The following KCNC1 variants were observed in gnomAD, a reference collection of about 807,000 sequenced individuals.
KCNC1 encodes the protein voltage-gated potassium channel KCNC1.
KCNC1 carries 8 observed loss-of-function variants against 43.4 expected under a neutral mutation model. The observed-to-expected ratio is 0.18, with a 90% CI of 0.11 to 0.33. The LOEUF is 0.33. Ranked by LOEUF, KCNC1 falls within the 10% of genes least tolerant of loss-of-function variation. The pLI is 1.00. For synonymous variants in KCNC1, 361 were observed against 360.5 expected (o/e 1.00, Z -0.01); for missense variants, 420 against 836.0 (o/e 0.50, Z 6.14).
intron 1 of KCNC1, among the ~76,000 whole-genome samples, chr11:17,747,238 C>T (rs1469353763): frequency 6.6e-6 from 1 of 152,258 alleles, no homozygotes; most frequent in East Asian, 1.9e-4. Flanking sequence ...CCTGTGTGTC[C>T]TGGGCAGGTC....
At chr11:17,749,053 T>C (rs138857848) in intron 1 of KCNC1, among the ~76,000 whole-genome samples, 2 of 152,286 alleles carry the variant, frequency 1.3e-5, no homozygotes, top group African/African-American at 4.8e-5. Context: ...TCACTGCAGG[T>C]GTGCCGGGAG....
In KCNC1 at chr11:17,782,711, A is replaced by C. The variant is rs1300896144; in HGVS notation, c.*977A>C. 6.6e-6 allele frequency: 1 copy of C among 152,250 alleles called. No individual in the cohort carries two copies. Among genetic ancestry groups the C allele is most frequent in the African/African-American group, 2.4e-5 (1 of 41,472 alleles). The allele number at this position is 152,250 out of a possible 1,614,324, so 9.4% of individuals were successfully genotyped here. A position where few individuals can be genotyped will look rare whatever the true frequency, so the allele number is the denominator to read the frequency against. ...TGTTATGCAAAGCGATTCTAGCATG[A>C]AATAAATTTTGTATCATGGTTTCTG... On this transcript the variant is annotated 3_prime_UTR_variant, in exon 4 of 4. Coordinates refer to ENST00000265969, the MANE Select transcript of KCNC1 (RefSeq NM_001112741.2).
At chr11:17,756,560 CATGTACATTGGGA>C (rs1370358055) in intron 1 of KCNC1, among the ~76,000 whole-genome samples, 1 of 148,558 alleles carries the variant, frequency 6.7e-6, no homozygotes, top group African/African-American at 2.5e-5. Flanking sequence ...CACACACACG[CATGTACATTGGGA>C]GTCAGGACCC....
Position 17,735,431 on chromosome 11 carries a change from C to A in KCNC1, c.-572C>A, listed in dbSNP as rs1032950682. The A allele has an allele frequency of 2.0e-5, 3 of 152,204 alleles. No homozygotes were observed. Among genetic ancestry groups the A allele is most frequent in the African/African-American group, 7.2e-5 (3 of 41,540 alleles). The allele number at this position is 152,204 out of a possible 1,614,324, so 9.4% of individuals were successfully genotyped here. A position where few individuals can be genotyped will look rare whatever the true frequency, so the allele number is the denominator to read the frequency against. On this transcript the variant is annotated 5_prime_UTR_variant, in exon 1 of 4. Coordinates refer to ENST00000265969, the MANE Select transcript of KCNC1 (RefSeq NM_001112741.2). The surrounding 1 kb of genome is among the most constrained non-coding windows in gnomAD (Gnocchi z 6.7). ...CAGGCGGCATCCATCTCCCCCGCGC[C>A]GAGAGCGCGCCGCGGCGACCACCTC...
In KCNC1 at chr11:17,772,055, A is replaced by G. The variant is rs1849236152; in HGVS notation, c.961A>G (p.Ile321Val). ...RVVRFVRILR[I>V]FKLTRHFVGL... ...CGTCCGCTTCGTGCGCATCTTGCGCATCTTTAAGCTGACCCGCCACTTTGT... is the reference window on the plus strand; with the variant it reads ...CGTCCGCTTCGTGCGCATCTTGCGCGTCTTTAAGCTGACCCGCCACTTTGT... Residue 321 changes from isoleucine (I) to valine (V), a missense_variant, in exon 2 of 4, where the codon ATC (isoleucine) becomes GTC (valine). By Grantham distance (29) the Ile-to-Val change is conservative. Around this residue, in one of 5 missense-constraint regions of KCNC1, gnomAD observed 58 missense variants for 256.9 expected, o/e 0.23. Transcript: ENST00000265969. 6.2e-7 allele frequency: 1 copy of G among 1,611,144 alleles called. No individual in the cohort carries two copies. Among genetic ancestry groups the G allele is most frequent in the Non-Finnish European group, 8.5e-7 (1 of 1,179,426 alleles).
rs1472716975 is a variant in KCNC1, at chr11:17,781,938, AT to A, written c.*210del. The A allele has an allele frequency of 1.8e-5, 8 of 445,778 alleles. No homozygotes were observed. Among genetic ancestry groups the A allele is most frequent in the Non-Finnish European group, 2.8e-5 (7 of 254,150 alleles). The allele number at this position is 445,778 out of a possible 1,614,324, so 27.6% of individuals were successfully genotyped here. A position where few individuals can be genotyped will look rare whatever the true frequency, so the allele number is the denominator to read the frequency against. ...TAGAGGATTTCTTTTCCTTCTTTTC[AT>A]TTTTTAAAATTTTATTTTATTTGGG... On this transcript the variant is annotated 3_prime_UTR_variant, in exon 4 of 4. Transcript: ENST00000265969. This position sits in a 1 kb window ranked among gnomAD's most constrained non-coding sequence, Gnocchi z 5.1.
At chr11:17,770,384 G>T (rs572598545) in intron 1 of KCNC1, among the ~76,000 whole-genome samples, 3 of 152,234 alleles carry the variant, frequency 2.0e-5, no homozygotes, top group Admixed American at 2.0e-4. Context: ...ACATGCAGGC[G>T]GGAGTGACTA....
Position 17,781,424 on chromosome 11 carries a change from C to T in KCNC1, c.1694-246C>T. ...CTCAGGCTAATTCTGAGCCAGAAGG[C>T]ATGCAGGTGTGTGAGTCAATGTGCA... On this transcript the variant is annotated intron_variant, in intron 3 of 3. Transcript: ENST00000265969. This position sits in a 1 kb window ranked among gnomAD's most constrained non-coding sequence, Gnocchi z 5.1. 2.1e-6 allele frequency: 1 copy of T among 472,890 alleles called. No individual in the cohort carries two copies. Among genetic ancestry groups the T allele is most frequent in the South Asian group, 3.9e-5 (1 of 25,848 alleles). 29.3% of individuals were successfully genotyped at this position (472,890 alleles called of 1,614,324 possible).
chr11:17,770,394 A>G (rs983146461), intron 1 of KCNC1, among the ~76,000 whole-genome samples: 4 of 152,218 alleles, frequency 2.6e-5, no homozygotes, highest in African/African-American at 9.6e-5. Context: ...GGGAGTGACT[A>G]TCTGGGCCCC....
At chr11:17,745,744 G>T (rs1848891651) in intron 1 of KCNC1, among the ~76,000 whole-genome samples, 1 of 152,004 alleles carries the variant, frequency 6.6e-6, no homozygotes, top group Non-Finnish European at 1.5e-5. Context: ...CGCTGCGCTG[G>T]TCCCTCCACC....
intron 3 of KCNC1, chr11:17,780,258 G>A (rs1257891202): frequency 6.6e-6 from 1 of 152,412 alleles, no homozygotes; most frequent in Non-Finnish European, 1.5e-5. Flanking sequence ...GAGCAGGACG[G>A]TCCTGCCCCT....
At position 17,739,693 on chromosome 11, in the gene KCNC1, GTGTGTGTGTACA is replaced by G. The variant is rs1463795687; in HGVS notation, c.570+3124_570+3135del. ...TGAGTCTGTGTGTGTGTGTGTGTGT[GTGTGTGTGTACA>G]TGCGTGTACACATAAGGCAGGAGGC... On this transcript the variant is annotated intron_variant, in intron 1 of 3. Coordinates refer to ENST00000265969, the MANE Select transcript of KCNC1 (RefSeq NM_001112741.2). The surrounding 1 kb of genome is among the most constrained non-coding windows in gnomAD (Gnocchi z 4.2). Among the ~76,000 whole-genome samples the G allele has an allele frequency of 6.6e-6, 1 of 151,946 alleles. No individual in the cohort carries two copies. Among genetic ancestry groups the G allele is most frequent in the African/African-American group, 2.4e-5 (1 of 41,308 alleles).
In KCNC1 at chr11:17,771,546, G is replaced by A. The variant is rs1245261488; in HGVS notation, c.571-119G>A. 14 of 854,828 alleles carry A rather than the reference G, an allele frequency of 1.6e-5. No individual in the cohort carries two copies. In the African/African-American group the frequency reaches 2.4e-4, roughly 14 times the overall value. 53.0% of individuals were successfully genotyped at this position (854,828 alleles called of 1,614,324 possible). A position where few individuals can be genotyped will look rare whatever the true frequency, so the allele number is the denominator to read the frequency against. On this transcript the variant is annotated intron_variant, in intron 1 of 3. Transcript: ENST00000265969. The surrounding 1 kb of genome is among the most constrained non-coding windows in gnomAD (Gnocchi z 4.7). ...CCCTGAGGAGGGAAATGTAGCACGT[G>A]CTGCAGGGGGCCTGGTGCTGGCATC...
At chr11:17,753,198 G>A (rs1002855465) in intron 1 of KCNC1, among the ~76,000 whole-genome samples, 3 of 152,208 alleles carry the variant, frequency 2.0e-5, no homozygotes, top group South Asian at 2.1e-4. Flanking sequence ...ATGGGGAAAC[G>A]GCAGTGCAGA....
chr11:17,760,009 C>A (rs1452348940), intron 1 of KCNC1, among the ~76,000 whole-genome samples: 1 of 152,162 alleles, frequency 6.6e-6, no homozygotes. Context: ...CTATATGGAG[C>A]GCCTTCCTAC....
chr11:17,779,374 T>TA lies in KCNC1; in HGVS notation c.1505-81dup, dbSNP rs1849320994. ...GGACGCTCAAGCTGCCCTCTGCCAA[T>TA]ACCCCGCTTCTGGCCTGTCCCCCCC... On this transcript the variant is annotated intron_variant, in intron 2 of 3. Coordinates refer to ENST00000265969, the MANE Select transcript of KCNC1 (RefSeq NM_001112741.2). The surrounding 1 kb of genome is among the most constrained non-coding windows in gnomAD (Gnocchi z 7.2). 4.2e-6 allele frequency: 5 copies of TA among 1,196,484 alleles called. No homozygotes were observed. The East Asian group carries it at 8.6e-5, about 21-fold the overall frequency. The allele number at this position is 1,196,484 out of a possible 1,614,324, so 74.1% of individuals were successfully genotyped here.
chr11:17,750,438 A>G (rs1848953912), intron 1 of KCNC1, among the ~76,000 whole-genome samples: 1 of 152,158 alleles, frequency 6.6e-6, no homozygotes, highest in Admixed American at 6.5e-5. Context: ...CTTCCCTTCT[A>G]GGCGGCAGGA....
chr11:17,751,043 A>C (rs1175251494), intron 1 of KCNC1, among the ~76,000 whole-genome samples: 1 of 152,226 alleles, frequency 6.6e-6, no homozygotes, highest in Non-Finnish European at 1.5e-5. Flanking sequence ...GTGAGGTGGA[A>C]GGGTTAGGTA....
At position 17,777,891 on chromosome 11, in the gene KCNC1, G is replaced by A. The variant is rs778092777; in HGVS notation, c.1505-1565G>A. The A allele has an allele frequency of 6.0e-5, 58 of 972,914 alleles. No homozygotes were observed. The highest frequency in any genetic ancestry group is 6.8e-5 in the Non-Finnish European group (56 of 818,088). The allele number at this position is 972,914 out of a possible 1,614,324, so 60.3% of individuals were successfully genotyped here. On this transcript the variant is annotated intron_variant, in intron 2 of 3. Coordinates refer to ENST00000265969, the MANE Select transcript of KCNC1 (RefSeq NM_001112741.2). The surrounding 1 kb of genome is among the most constrained non-coding windows in gnomAD (Gnocchi z 4.3). The stretch of plus-strand genomic sequence containing the variant: ...GGGCGGTAATCCCACCCACGTGCAC[G>A]CCCAGCGTGTGCACGTGGGGAAGGA...
Sources: allele counts gnomAD v4.1 joint callset (sites outside exome capture counted in the v4.1 genomes callset), GRCh38; gene constraint gnomAD v4.1.1; regional missense constraint gnomAD v4.1.1; non-coding constraint Gnocchi (gnomAD v3.1); transcripts MANE v1.5; gene names NCBI Gene and HGNC (gene_info 2026-07-23, HGNC 2026-07-21).